ROBO1: variants seen among roughly 807,000 people sequenced by gnomAD.
ROBO1 encodes the protein roundabout guidance receptor 1, also known as roundabout homolog 1.
Under a neutral mutation model 195.9 loss-of-function variants are expected in ROBO1, and 149 were observed. The observed-to-expected ratio is 0.76, with a 90% confidence interval of 0.67 to 0.87. ROBO1 has a LOEUF of 0.87. Among genes scored for constraint, ROBO1 ranks in the 40% least tolerant of loss-of-function variants. ROBO1 has a pLI of 0.00. For synonymous variants in ROBO1, 816 were observed against 733.2 expected (o/e 1.11, Z -1.82); for missense variants, 1,933 against 2,068.3 (o/e 0.93, Z 1.27).
chr3:78,693,206 G>T, intron 8 of ROBO1: 1 of 1,112,992 alleles, frequency 9.0e-7, no homozygotes, highest in Non-Finnish European at 1.3e-6. Flanking sequence ...ATTCTGTGCA[G>T]TCTGTCTTTG....
At chr3:78,787,648 G>GAA (rs1259211413) in intron 4 of ROBO1, among the ~76,000 whole-genome samples, 1 of 152,142 alleles carries the variant, frequency 6.6e-6, no homozygotes, top group East Asian at 1.9e-4. Flanking sequence ...AATTACAGTG[G>GAA]AAAAGATCAC....
chr3:78,964,158 T>C (rs1266180055), intron 3 of ROBO1, among the ~76,000 whole-genome samples: 1 of 152,160 alleles, frequency 6.6e-6, no homozygotes, highest in Non-Finnish European at 1.5e-5. Context: ...CATCTCTATC[T>C]TTGTGTCCAA....
intron 2 of ROBO1, among the ~76,000 whole-genome samples, chr3:79,180,716 G>C (rs57494900): frequency 6.8e-4 from 103 of 152,274 alleles, no homozygotes; most frequent in African/African-American, 2.4e-3. Context: ...TATAAGTGTA[G>C]ACAATGCTAT....
At chr3:79,434,920 G>C (rs890442273) in intron 2 of ROBO1, among the ~76,000 whole-genome samples, 1 of 152,068 alleles carries the variant, frequency 6.6e-6, no homozygotes, top group Non-Finnish European at 1.5e-5. Flanking sequence ...GTAGGGACAT[G>C]GATGAAGCTG....
rs532585019 is a variant in ROBO1 at position 78,681,880 on chromosome 3, C to T, written c.1342+3866G>A. 1.6e-4 allele frequency among the ~76,000 whole-genome samples: 25 copies of T among 152,060 alleles called. No homozygotes were observed. The East Asian group carries it at 2.5e-3, about 15-fold the overall frequency. ...TCGCACCACTGCACTCCAGCCTCGG[C>T]GACTCAGTCTCAAAATAAAAAAGAC... On this transcript the variant is annotated intron_variant, in intron 10 of 30. Transcript: ENST00000464233.
intron 2 of ROBO1, among the ~76,000 whole-genome samples, chr3:79,142,153 G>A (rs2080541343): frequency 6.6e-6 from 1 of 152,132 alleles, no homozygotes. Flanking sequence ...TTGTGTGCAT[G>A]CAGAAGGAGT....
At chr3:79,103,082 A>C (rs1352494586) in intron 3 of ROBO1, among the ~76,000 whole-genome samples, 1 of 151,840 alleles carries the variant, frequency 6.6e-6, no homozygotes, top group Non-Finnish European at 1.5e-5. Context: ...ATATGTTGTG[A>C]AACCAATACA....
intron 3 of ROBO1, among the ~76,000 whole-genome samples, chr3:78,948,550 C>A (rs1209685734): frequency 6.6e-6 from 1 of 152,076 alleles, no homozygotes; most frequent in East Asian, 1.9e-4. Flanking sequence ...AAACCCACAG[C>A]CAATATCATA....
chr3:79,021,443 T>C (rs1053619305), intron 3 of ROBO1, among the ~76,000 whole-genome samples: 1 of 152,030 alleles, frequency 6.6e-6, no homozygotes, highest in African/African-American at 2.4e-5. Flanking sequence ...GTAATGGGGG[T>C]ATACTTTTAA....
intron 2 of ROBO1, among the ~76,000 whole-genome samples, chr3:79,570,114 A>G (rs1185096262): frequency 6.6e-6 from 1 of 151,982 alleles, no homozygotes; most frequent in Non-Finnish European, 1.5e-5. Flanking sequence ...ACAAACAAAA[A>G]AACAATAAAA....
intron 1 of ROBO1, among the ~76,000 whole-genome samples, chr3:79,723,155 G>A (rs376899809): frequency 2.6e-5 from 4 of 152,064 alleles, no homozygotes; most frequent in South Asian, 2.1e-4. Context: ...CACCATTCCC[G>A]TGACAATGTT....
chr3:79,111,458 G>T lies in ROBO1; in HGVS notation c.172+13998C>A, dbSNP rs1322117164. ...GCAGGAAGAGCCCTTTCTTCTTATT[G>T]TATGGTGCTGGACCTGCCTCGCTTT... is the stretch of plus-strand genomic sequence containing the variant. On this transcript the variant is annotated intron_variant, in intron 3 of 30. Coordinates refer to ENST00000464233, the MANE Select transcript of ROBO1 (RefSeq NM_002941.4). Among the ~76,000 whole-genome samples the T allele has an allele frequency of 2.0e-5, 3 of 152,076 alleles. No homozygotes were observed. The East Asian group carries it at 5.8e-4, about 29-fold the overall frequency.
At chr3:78,785,164 T>C (rs1436440469) in intron 4 of ROBO1, among the ~76,000 whole-genome samples, 1 of 152,202 alleles carries the variant, frequency 6.6e-6, no homozygotes, top group African/African-American at 2.4e-5. Context: ...AAGTCTAAGA[T>C]TATAATCCTG....
intron 2 of ROBO1, among the ~76,000 whole-genome samples, chr3:79,256,777 T>A (rs148937499): frequency 0.012 from 1,800 of 152,202 alleles, 16 homozygotes; most frequent in Middle Eastern, 0.034. Context: ...TATCTTAACT[T>A]TTAAAAGCAA....
intron 3 of ROBO1, among the ~76,000 whole-genome samples, chr3:79,043,511 A>T (rs1416644973): frequency 6.6e-6 from 1 of 152,058 alleles, no homozygotes; most frequent in Non-Finnish European, 1.5e-5. Context: ...TAGTGTGTCA[A>T]ATTGGACTAC....
chr3:78,890,966 G>A (rs945274412), intron 4 of ROBO1, among the ~76,000 whole-genome samples: 2 of 152,024 alleles, frequency 1.3e-5, no homozygotes, highest in Non-Finnish European at 2.9e-5. Flanking sequence ...TGTTGCTCAG[G>A]CTGGCCTCAA....
At chr3:78,817,784 T>C (rs2030284245) in intron 4 of ROBO1, among the ~76,000 whole-genome samples, 2 of 152,200 alleles carry the variant, frequency 1.3e-5, no homozygotes, top group Admixed American at 1.3e-4. Context: ...ATTTCAACCA[T>C]TAGTCAGAGT....
intron 4 of ROBO1, among the ~76,000 whole-genome samples, chr3:78,754,381 G>T (rs1405478271): frequency 6.6e-6 from 1 of 152,126 alleles, no homozygotes; most frequent in African/African-American, 2.4e-5. Context: ...TCTGAGCTAC[G>T]GGACCCTGAT....
At chr3:79,510,524 T>C (rs954805463) in intron 2 of ROBO1, among the ~76,000 whole-genome samples, 5 of 151,238 alleles carry the variant, frequency 3.3e-5, no homozygotes, top group African/African-American at 1.2e-4. Context: ...CATGTTGGAG[T>C]ACATGGTTAT....
Sources: allele counts gnomAD v4.1 joint callset (sites outside exome capture counted in the v4.1 genomes callset), GRCh38; gene constraint gnomAD v4.1.1; transcripts MANE v1.5; gene names NCBI Gene and HGNC (gene_info 2026-07-23, HGNC 2026-07-21).